TJP2: variants seen among roughly 807,000 people sequenced by gnomAD.
TJP2 encodes the protein Friedreich ataxia region gene X104 (tight junction protein ZO-2).
A neutral mutation model predicts 133.1 loss-of-function variants in TJP2; 91 were observed. The ratio of observed to expected loss-of-function variants is 0.68; its 90% CI spans 0.58 to 0.81. TJP2 has a LOEUF of 0.81. TJP2 is among the 40% of genes least tolerant of loss of function. TJP2 has a pLI of 0.00. For synonymous variants in TJP2, 592 were observed against 583.4 expected (o/e 1.01, Z -0.21); for missense variants, 1,541 against 1,565.6 (o/e 0.98, Z 0.26).
At chr9:69,243,234 G>A (rs1830692176) in intron 17 of TJP2, among the ~76,000 whole-genome samples, 1 of 152,178 alleles carries the variant, frequency 6.6e-6, no homozygotes, top group Non-Finnish European at 1.5e-5. Context: ...GAATAATAGA[G>A]TGCTTTGATG....
At chr9:69,175,827 A>G (rs1190253989) in intron 1 of TJP2, among the ~76,000 whole-genome samples, 1 of 152,156 alleles carries the variant, frequency 6.6e-6, no homozygotes, top group Non-Finnish European at 1.5e-5. Context: ...CTACTTCTGC[A>G]GTGGGGCCAC....
Position 69,147,297 on chromosome 9 carries a change from T to C in TJP2, c.-130-4354T>C, listed in dbSNP as rs143315728. Among the ~76,000 whole-genome samples the C allele has an allele frequency of 9.8e-5, 15 of 152,316 alleles. No homozygotes were observed. The East Asian group carries it at 2.9e-3, about 29-fold the overall frequency. On this transcript the variant is annotated intron_variant, in intron 1 of 5. Transcript: ENST00000423935. ...GTGGAAGACAGGTGCCAGTTGATGG[T>C]TGGCTGCTTGGAGTATCTAGCTAGG...
chr9:69,198,421 C>T (rs547558095), intron 1 of TJP2, among the ~76,000 whole-genome samples: 3 of 152,302 alleles, frequency 2.0e-5, no homozygotes, highest in South Asian at 2.1e-4. Context: ...GGATTACAGG[C>T]GTGAGCCACC....
intron 1 of TJP2, among the ~76,000 whole-genome samples, chr9:69,190,654 C>G (rs981530604): frequency 2.0e-5 from 3 of 152,134 alleles, no homozygotes; most frequent in African/African-American, 7.2e-5. Context: ...GCAAAAGAAA[C>G]CAGGAATTGA....
At chr9:69,213,361 G>A (rs750217349) in intron 2 of TJP2, among the ~76,000 whole-genome samples, 5 of 152,036 alleles carry the variant, frequency 3.3e-5, no homozygotes, top group Non-Finnish European at 7.4e-5. Context: ...GTGCCCAGAC[G>A]GTTCCGCATT....
At chr9:69,197,868 T>C (rs543392801) in intron 1 of TJP2, among the ~76,000 whole-genome samples, 13 of 152,296 alleles carry the variant, frequency 8.5e-5, no homozygotes, top group African/African-American at 3.1e-4. Context: ...GTGGACACCA[T>C]TGTCTACCTC....
At chr9:69,242,691 A>T (rs1830655459) in intron 17 of TJP2, among the ~76,000 whole-genome samples, 2 of 152,152 alleles carry the variant, frequency 1.3e-5, no homozygotes, top group Non-Finnish European at 1.5e-5. Context: ...CAGACTTCAA[A>T]GTTTGACTCC....
intron 1 of TJP2, 101 bp downstream of exon 1, chr9:69,174,533 G>A: frequency 7.5e-7 from 1 of 1,330,566 alleles, no homozygotes. Context: ...GTTGTTCCCC[G>A]ATGCGCCGTA....
intron 6 of TJP2, among the ~76,000 whole-genome samples, 194 bp from the exon 7 acceptor site, chr9:69,225,828 C>A (rs1414512382): frequency 6.6e-6 from 1 of 152,202 alleles, no homozygotes; most frequent in African/African-American, 2.4e-5. Flanking sequence ...GAGTAACTTA[C>A]ACCTGTATTT....
intron 5 of TJP2, among the ~76,000 whole-genome samples, chr9:69,223,693 T>A (rs1478824606): frequency 6.6e-6 from 1 of 152,206 alleles, no homozygotes; most frequent in Non-Finnish European, 1.5e-5. Context: ...CTCAGCCTTC[T>A]GTTCTGGGCT....
chr9:69,167,880 A>AAAG (rs963441310), intron 2 of TJP2, among the ~76,000 whole-genome samples: 7 of 150,282 alleles, frequency 4.7e-5, no homozygotes, highest in Admixed American at 6.6e-5. Flanking sequence ...AAAAAAAAAA[A>AAAG]AAGAAGAAGA....
intron 6 of TJP2, among the ~76,000 whole-genome samples, 169 bp downstream of exon 6, chr9:69,225,576 G>A (rs567121956): frequency 1.3e-5 from 2 of 152,194 alleles, no homozygotes; most frequent in South Asian, 2.1e-4. Flanking sequence ...ACCAGACATT[G>A]AGGGTCGTAA....
intron 2 of TJP2, among the ~76,000 whole-genome samples, chr9:69,168,894 A>G: frequency 6.7e-6 from 1 of 149,950 alleles, no homozygotes; most frequent in Non-Finnish European, 1.5e-5. Context: ...GCTCTCCTGG[A>G]GGTAATCACA....
chr9:69,136,735 G>A (rs1287194610), intron 1 of TJP2, among the ~76,000 whole-genome samples: 2 of 152,144 alleles, frequency 1.3e-5, no homozygotes, highest in Non-Finnish European at 2.9e-5. Context: ...GGGAGAAGGA[G>A]AGGATGAGGA....
intron 2 of TJP2, among the ~76,000 whole-genome samples, chr9:69,152,817 C>CTTTTTT (rs10543289): frequency 0.013 from 615 of 48,038 alleles, 131 homozygotes; most frequent in Non-Finnish European, 0.018. Context: ...CTCTGGAGCT[C>CTTTTTT]TTTTTTTTTT....
intron 1 of TJP2, among the ~76,000 whole-genome samples, chr9:69,138,904 G>A (rs1445664737): frequency 6.6e-6 from 1 of 151,296 alleles, no homozygotes; most frequent in East Asian, 1.9e-4. Flanking sequence ...GTGACACAGT[G>A]AGATTCCATC....
chr9:69,129,846 G>C (rs1822409631), intron 1 of TJP2, among the ~76,000 whole-genome samples: 1 of 151,794 alleles, frequency 6.6e-6, no homozygotes, highest in Admixed American at 6.6e-5. Context: ...GTGAAACCCT[G>C]TCTCTACTAA....
At chr9:69,178,867 C>T (rs555291582) in intron 1 of TJP2, among the ~76,000 whole-genome samples, 9 of 152,302 alleles carry the variant, frequency 5.9e-5, no homozygotes, top group Admixed American at 3.3e-4. Flanking sequence ...GACTCTTGCT[C>T]ATGATTCATT....
chr9:69,170,259 C>A (rs905439976), upstream of TJP2, among the ~76,000 whole-genome samples: 1 of 152,024 alleles, frequency 6.6e-6, no homozygotes, highest in East Asian at 1.9e-4. Context: ...TATGCACAAG[C>A]CTGTCTTTTC....
Sources: allele counts gnomAD v4.1 joint callset (sites outside exome capture counted in the v4.1 genomes callset), GRCh38; gene constraint gnomAD v4.1.1; transcripts MANE v1.5; gene names NCBI Gene and HGNC (gene_info 2026-07-23, HGNC 2026-07-21).